SHISA6: variants seen among roughly 807,000 people sequenced by gnomAD.
SHISA6 encodes the protein shisa family member 6, also known as protein shisa-6.
In SHISA6, 22 loss-of-function variants were observed where a neutral mutation model predicts 47.9. The ratio of observed to expected loss-of-function variants is 0.46; its 90% confidence interval spans 0.33 to 0.66. SHISA6 has a LOEUF of 0.66. Ranked by LOEUF, SHISA6 falls within the 30% of genes least tolerant of loss-of-function variation. The pLI is 0.02. For synonymous variants in SHISA6, 388 were observed against 337.8 expected (o/e 1.15, Z -1.63); for missense variants, 680 against 764.6 (o/e 0.89, Z 1.30).
chr17:11,402,528 G>T (rs1913812683), intron 3 of SHISA6, among the ~76,000 whole-genome samples: 1 of 152,112 alleles, frequency 6.6e-6, no homozygotes, highest in Non-Finnish European at 1.5e-5. Context: ...TACACCCTTA[G>T]GCTCTTTGCT....
chr17:11,563,180 C>A lies in SHISA6; in HGVS notation c.*4876C>A, dbSNP rs1049496259. On this transcript the variant is annotated 3_prime_UTR_variant, in exon 6 of 6. Transcript: ENST00000441885. Reference sequence around the variant, plus strand: ...TGTACTTGAGGGCAGCTGGGAAATTCATTTCAAGCTGCAGAGGAACGTGTT... The same window carrying A: ...TGTACTTGAGGGCAGCTGGGAAATTAATTTCAAGCTGCAGAGGAACGTGTT... The A allele has an allele frequency of 6.6e-6, 1 of 152,254 alleles. No individual in the cohort carries two copies. The highest frequency in any genetic ancestry group is 1.5e-5 in the Non-Finnish European group (1 of 68,084). 9.4% of individuals were successfully genotyped at this position (152,254 alleles called of 1,614,324 possible). A position where few individuals can be genotyped will look rare whatever the true frequency, so the allele number is the denominator to read the frequency against.
chr17:11,431,127 C>T (rs771954967), intron 3 of SHISA6, among the ~76,000 whole-genome samples: 3 of 152,190 alleles, frequency 2.0e-5, no homozygotes, highest in South Asian at 2.1e-4. Flanking sequence ...GTCGGAAAGA[C>T]GGGATTCTCT....
chr17:11,336,221 A>G (rs902897346), intron 2 of SHISA6, among the ~76,000 whole-genome samples: 1 of 152,052 alleles, frequency 6.6e-6, no homozygotes, highest in Non-Finnish European at 1.5e-5. Flanking sequence ...AATAATAGTA[A>G]TAATAATAAT....
Position 11,241,436 on chromosome 17 carries a change from G to C in SHISA6, c.14G>C (p.Arg5Pro). Residue 5 changes from arginine to proline, a missense_variant, in exon 1 of 6, where the codon CGC (arginine) becomes CCC (proline). By Grantham distance (103) the Arg-to-Pro change is moderately radical. Around this residue, in one of 2 missense-constraint regions of SHISA6, gnomAD observed 121 missense variants for 90.5 expected, o/e 1.34. Transcript: ENST00000441885. This position sits in a 1 kb window ranked among gnomAD's most constrained non-coding sequence, Gnocchi z 5.5. Reference protein sequence around the residue: MALRRLLLLLLLSLE... With the variant: MALRPLLLLLLLSLE... ...CCCGGCCCCGCCATGGCGCTGCGGC[G>C]CCTCCTGCTGCTGCTGCTGCTCTCG... 8.4e-7 allele frequency: 1 copy of C among 1,187,906 alleles called. No individual in the cohort carries two copies. The highest frequency in any genetic ancestry group is 1.1e-6 in the Non-Finnish European group (1 of 943,882). The allele number at this position is 1,187,906 out of a possible 1,614,324, so 73.6% of individuals were successfully genotyped here. A position where few individuals can be genotyped will look rare whatever the true frequency, so the allele number is the denominator to read the frequency against.
At chr17:11,439,783 A>G (rs759741292) in intron 3 of SHISA6, among the ~76,000 whole-genome samples, 1 of 151,866 alleles carries the variant, frequency 6.6e-6, no homozygotes, top group Non-Finnish European at 1.5e-5. Context: ...TCTGAATGCA[A>G]CTCTGCCTCT....
At chr17:11,526,541 G>A (rs780203340) in intron 3 of SHISA6, among the ~76,000 whole-genome samples, 23 of 152,134 alleles carry the variant, frequency 1.5e-4, no homozygotes, top group Non-Finnish European at 2.4e-4. Context: ...TAGAGCACAT[G>A]CAGCCACATG....
chr17:11,350,859 A>C (rs987948520), intron 2 of SHISA6, among the ~76,000 whole-genome samples: 1 of 152,194 alleles, frequency 6.6e-6, no homozygotes, highest in Admixed American at 6.5e-5. Context: ...TTATTGCAGC[A>C]CTGTTTACAA....
At chr17:11,527,097 T>C (rs1287986854) in intron 3 of SHISA6, among the ~76,000 whole-genome samples, 2 of 151,912 alleles carry the variant, frequency 1.3e-5, no homozygotes, top group Non-Finnish European at 2.9e-5. Flanking sequence ...CAGACCTATT[T>C]CTTTCCTGGA....
chr17:11,379,427 G>A lies in SHISA6; in HGVS notation c.813G>A (p.Lys271=), dbSNP rs747975560. 6.5e-7 allele frequency: 1 copy of A among 1,539,148 alleles called. No homozygotes were observed. The highest frequency in any genetic ancestry group is 1.2e-5 in the South Asian group (1 of 82,026). Residue 271 remains lysine (K), a synonymous_variant, in exon 3 of 6, where the codon AAG becomes AAA. Transcript: ENST00000441885. ...TAKQTPGHYG[K]DAYRSGGPDL... is the part of the protein sequence containing the mutation. ...ATCTTCTTGCAGGGCATTATGGGAA[G>A]GATGCTTACCGAAGTGGAGGACCTG... is the stretch of plus-strand genomic sequence containing the variant.
chr17:11,496,769 G>A (rs896718802), intron 3 of SHISA6, among the ~76,000 whole-genome samples: 1 of 151,888 alleles, frequency 6.6e-6, no homozygotes, highest in Non-Finnish European at 1.5e-5. Flanking sequence ...AAAAGAATGG[G>A]ATAGAAGTGG....
intron 2 of SHISA6, among the ~76,000 whole-genome samples, chr17:11,311,393 C>G (rs1278800514): frequency 6.6e-6 from 1 of 151,256 alleles, no homozygotes; most frequent in Non-Finnish European, 1.5e-5. Context: ...GTGAGATTTT[C>G]TTGTTTGTTA....
intron 2 of SHISA6, among the ~76,000 whole-genome samples, chr17:11,320,534 T>C (rs1567571774): frequency 6.6e-6 from 1 of 152,146 alleles, no homozygotes; most frequent in Non-Finnish European, 1.5e-5. Context: ...GGTGGGCACC[T>C]GTAATCCCAG....
At chr17:11,405,604 C>G (rs1346464326) in intron 3 of SHISA6, among the ~76,000 whole-genome samples, 1 of 152,058 alleles carries the variant, frequency 6.6e-6, no homozygotes. Context: ...CAGTTCGAGA[C>G]CAGCCTGGCC....
chr17:11,300,618 T>C (rs939178716), intron 2 of SHISA6, among the ~76,000 whole-genome samples: 4 of 152,180 alleles, frequency 2.6e-5, no homozygotes, highest in Non-Finnish European at 4.4e-5. Flanking sequence ...CTGTGTGCCC[T>C]TCTTGGGAGA....
intron 2 of SHISA6, among the ~76,000 whole-genome samples, chr17:11,292,093 C>G (rs1567562844): frequency 6.6e-6 from 1 of 152,086 alleles, no homozygotes; most frequent in Non-Finnish European, 1.5e-5. Flanking sequence ...AGATCTCTTG[C>G]ACTTATTCTT....
At chr17:11,353,838 A>G (rs1437473365) in intron 2 of SHISA6, among the ~76,000 whole-genome samples, 2 of 152,206 alleles carry the variant, frequency 1.3e-5, no homozygotes, top group Non-Finnish European at 2.9e-5. Flanking sequence ...ATCTGTTTAC[A>G]GAATTGTCCT....
At chr17:11,555,613 T>G in intron 4 of SHISA6, 127 bp from the exon 5 acceptor site, 1 of 1,076,508 alleles carries the variant, frequency 9.3e-7, no homozygotes, top group Non-Finnish European at 1.3e-6. Flanking sequence ...GTCAATAGTA[T>G]CACCTATGTC....
At chr17:11,473,881 T>C (rs1257577770) in intron 3 of SHISA6, among the ~76,000 whole-genome samples, 1 of 152,040 alleles carries the variant, frequency 6.6e-6, no homozygotes, top group East Asian at 1.9e-4. Flanking sequence ...ATACATTAGG[T>C]ATTTGTCCTA....
At chr17:11,530,044 G>A (rs546757370) in intron 3 of SHISA6, among the ~76,000 whole-genome samples, 3 of 152,202 alleles carry the variant, frequency 2.0e-5, no homozygotes, top group East Asian at 3.9e-4. Context: ...GCTGCTCAGG[G>A]TGAGGGGAAA....
Sources: allele counts gnomAD v4.1 joint callset (sites outside exome capture counted in the v4.1 genomes callset), GRCh38; gene constraint gnomAD v4.1.1; regional missense constraint gnomAD v4.1.1; non-coding constraint Gnocchi (gnomAD v3.1); transcripts MANE v1.5; gene names NCBI Gene and HGNC (gene_info 2026-07-23, HGNC 2026-07-21).